AK7: variants seen among roughly 807,000 people sequenced by gnomAD.
The protein encoded by AK7 is ATP-AMP transphosphorylase 7.
Under a neutral mutation model 96.6 loss-of-function variants are expected in AK7, and 78 were observed. That is an observed-to-expected ratio of 0.81 (90% CI 0.67 to 0.97). AK7 has a LOEUF of 0.97. Among genes scored for constraint, AK7 ranks in the 50% least tolerant of loss-of-function variants. The pLI, the probability that AK7 is intolerant of heterozygous loss-of-function variation, is 0.00. For missense variants in AK7, 855 were observed against 887.9 expected (o/e 0.96, Z 0.47); for synonymous variants, 302 against 317.2 (o/e 0.95, Z 0.51).
intron 10 of AK7, among the ~76,000 whole-genome samples, chr14:96,453,128 T>G (rs374130659): frequency 6.6e-6 from 1 of 152,104 alleles, no homozygotes; most frequent in African/African-American, 2.4e-5. Context: ...AAAACATGTC[T>G]AGTTAAGAAT....
intron 12 of AK7, among the ~76,000 whole-genome samples, chr14:96,468,641 A>G (rs1894716996): frequency 6.6e-6 from 1 of 152,008 alleles, no homozygotes. Flanking sequence ...TTTGGTCATC[A>G]TCAGTTAAGA....
At chr14:96,478,802 A>G in intron 15 of AK7, 140 bp downstream of exon 15, 3 of 772,656 alleles carry the variant, frequency 3.9e-6, no homozygotes, top group Non-Finnish European at 6.3e-6. Flanking sequence ...TGAAATACAC[A>G]GGGCACTCCT....
In AK7 at chr14:96,398,649, A is replaced by T. The variant is rs1002629165; in HGVS notation, c.294+386A>T. 79 of 223,376 alleles carry T rather than the reference A, an allele frequency of 3.5e-4. 2 individuals carry two copies. The highest frequency in any genetic ancestry group is 5.7e-4 in the Non-Finnish European group (63 of 111,078). 13.8% of individuals were successfully genotyped at this position (223,376 alleles called of 1,614,324 possible). A position where few individuals can be genotyped will look rare whatever the true frequency, so the allele number is the denominator to read the frequency against. ...GTAATCCCAGCACTTTGGGAGGCTG[A>T]GGAGGGAGGATCGCTTAAGGCCAGG... On this transcript the variant is annotated intron_variant, in intron 2 of 17. Transcript: ENST00000267584.
intron 12 of AK7, among the ~76,000 whole-genome samples, chr14:96,466,209 G>T (rs929211087): frequency 6.6e-6 from 1 of 150,934 alleles, no homozygotes; most frequent in African/African-American, 2.4e-5. Flanking sequence ...ACCATGCCTG[G>T]CTAATGTTTT....
intron 4 of AK7, among the ~76,000 whole-genome samples, chr14:96,410,270 A>G (rs1472967433): frequency 6.6e-6 from 1 of 152,146 alleles, no homozygotes; most frequent in Non-Finnish European, 1.5e-5. Flanking sequence ...TGGTCATTTT[A>G]TTCCTGTTAT....
At chr14:96,419,440 G>A (rs1052541084) in intron 4 of AK7, among the ~76,000 whole-genome samples, 9 of 152,094 alleles carry the variant, frequency 5.9e-5, no homozygotes, top group African/African-American at 2.2e-4. Context: ...GACCAGCCTG[G>A]GTAACAATTG....
chr14:96,413,321 C>T (rs891638359), intron 4 of AK7, among the ~76,000 whole-genome samples: 1 of 152,246 alleles, frequency 6.6e-6, no homozygotes, highest in Non-Finnish European at 1.5e-5. Flanking sequence ...CTCCACCCTG[C>T]TCCAAACTTG....
At chr14:96,440,177 T>C (rs1892887626) in intron 6 of AK7, among the ~76,000 whole-genome samples, 1 of 152,118 alleles carries the variant, frequency 6.6e-6, no homozygotes, top group Admixed American at 6.5e-5. Context: ...GGTTTCACCA[T>C]ATTGGCCAGG....
Position 96,427,052 on chromosome 14 carries a change from C to T in AK7, c.609+6120C>T, listed in dbSNP as rs571235213. On this transcript the variant is annotated intron_variant, in intron 5 of 17. Transcript: ENST00000267584. ...CCTGAGGTTGGAAGTTTGAGACCTGCCTGGCCAACATGGAGAAACCCCGTC... is the reference window on the plus strand; with the variant it reads ...CCTGAGGTTGGAAGTTTGAGACCTGTCTGGCCAACATGGAGAAACCCCGTC... 8.5e-5 allele frequency among the ~76,000 whole-genome samples: 13 copies of T among 152,244 alleles called. 1 individual carries two copies. Among genetic ancestry groups the T allele is most frequent in the African/African-American group, 2.9e-4 (12 of 41,544 alleles).
At chr14:96,463,293 A>T (rs1894361966) in intron 12 of AK7, among the ~76,000 whole-genome samples, 1 of 152,176 alleles carries the variant, frequency 6.6e-6, no homozygotes, top group Admixed American at 6.5e-5. Context: ...ACAAGACTTT[A>T]TTAAACAAGA....
At chr14:96,450,768 CTTTTTTT>C (rs937558741) in intron 9 of AK7, among the ~76,000 whole-genome samples, 3 of 93,178 alleles carry the variant, frequency 3.2e-5, no homozygotes, top group East Asian at 3.2e-4. Flanking sequence ...ATATTTTTCT[CTTTTTTT>C]TTTTTTTTTT....
chr14:96,408,531 G>A (rs572747115), intron 3 of AK7, among the ~76,000 whole-genome samples: 192 of 152,366 alleles, frequency 1.3e-3, no homozygotes, highest in African/African-American at 4.5e-3. Context: ...AAAACAGAAA[G>A]GGGCCACAAT....
intron 13 of AK7, 87 bp from the exon 14 acceptor site, chr14:96,472,600 T>C (rs2140158023): frequency 2.1e-6 from 2 of 967,056 alleles, no homozygotes; most frequent in Non-Finnish European, 3.2e-6. Context: ...CATTAGTGCT[T>C]GCTACTTAAG....
intron 7 of AK7, among the ~76,000 whole-genome samples, chr14:96,444,595 A>G (rs1893128065): frequency 6.6e-6 from 1 of 152,226 alleles, no homozygotes; most frequent in Non-Finnish European, 1.5e-5. Flanking sequence ...AACAACAGCT[A>G]ATTTCCCAAA....
At chr14:96,452,287 A>G (rs1893649871) in intron 10 of AK7, among the ~76,000 whole-genome samples, 1 of 152,060 alleles carries the variant, frequency 6.6e-6, no homozygotes, top group Admixed American at 6.6e-5. Flanking sequence ...TCTATATAGT[A>G]TAGATTAGGA....
intron 4 of AK7, among the ~76,000 whole-genome samples, chr14:96,411,634 A>T (rs182854904): frequency 6.6e-6 from 1 of 152,344 alleles, no homozygotes; most frequent in Non-Finnish European, 1.5e-5. Context: ...TAATGAAGTA[A>T]TAAATAATAT....
intron 6 of AK7, 61 bp from the exon 7 acceptor site, chr14:96,442,669 T>G: frequency 1.6e-4 from 207 of 1,266,712 alleles, no homozygotes; most frequent in Non-Finnish European, 2.2e-4. Context: ...GACTTATGTG[T>G]GAGCTGTAAT....
chr14:96,449,928 A>C, intron 9 of AK7, 49 bp downstream of exon 9: 2 of 1,326,158 alleles, frequency 1.5e-6, no homozygotes, highest in Non-Finnish European at 2.1e-6. Context: ...TCTCAATAAT[A>C]TGGAGTATTG....
intron 2 of AK7, among the ~76,000 whole-genome samples, chr14:96,402,300 G>A (rs1437569930): frequency 6.6e-6 from 1 of 151,916 alleles, no homozygotes; most frequent in Non-Finnish European, 1.5e-5. Flanking sequence ...ACAAATGTTT[G>A]TTGGGTGAAC....
Sources: allele counts gnomAD v4.1 joint callset (sites outside exome capture counted in the v4.1 genomes callset), GRCh38; gene constraint gnomAD v4.1.1; transcripts MANE v1.5; gene names NCBI Gene and HGNC (gene_info 2026-07-23, HGNC 2026-07-21).